Variants in XYLT1 observed in about 807,000 individuals in gnomAD.
The protein encoded by XYLT1 is beta-D-xylosyltransferase 1.
In XYLT1, 36 loss-of-function variants were observed where a neutral mutation model predicts 91.3. That is an observed-to-expected ratio of 0.39 (90% confidence interval 0.30 to 0.52). The LOEUF (loss-of-function observed/expected upper bound fraction) is 0.52, where lower values mean the gene tolerates loss of function less well. Among genes scored for constraint, XYLT1 ranks in the 20% least tolerant of loss-of-function variants. The pLI is 0.68. For synonymous variants in XYLT1, 588 were observed against 532.0 expected (o/e 1.11, Z -1.45); for missense variants, 1,242 against 1,284.5 (o/e 0.97, Z 0.51).
chr16:17,187,284 C>T (rs931869891), intron 5 of XYLT1, among the ~76,000 whole-genome samples: 3 of 150,746 alleles, frequency 2.0e-5, no homozygotes, highest in Non-Finnish European at 4.4e-5. Flanking sequence ...ATCCCAGCTA[C>T]TCGGGAGGCT....
chr16:17,317,773 C>A (rs1027140753), intron 2 of XYLT1, among the ~76,000 whole-genome samples: 1 of 151,836 alleles, frequency 6.6e-6, no homozygotes, highest in Non-Finnish European at 1.5e-5. Flanking sequence ...CCTATGATGT[C>A]CTACAGGATC....
chr16:17,383,654 G>A (rs1311867740), intron 1 of XYLT1, among the ~76,000 whole-genome samples: 1 of 151,884 alleles, frequency 6.6e-6, no homozygotes, highest in Non-Finnish European at 1.5e-5. Context: ...AGAGACTAGT[G>A]AGTATCCCTC....
chr16:17,453,953 A>C (rs903035631), intron 1 of XYLT1, among the ~76,000 whole-genome samples: 1 of 152,268 alleles, frequency 6.6e-6, no homozygotes, highest in Non-Finnish European at 1.5e-5. Flanking sequence ...GAAGGGACTA[A>C]GAATGGAAGA....
intron 5 of XYLT1, among the ~76,000 whole-genome samples, chr16:17,161,677 GCTCT>G (rs10676460): frequency 3.8e-4 from 57 of 148,998 alleles, no homozygotes; most frequent in South Asian, 8.5e-4. Context: ...TTTCTCGCGC[GCTCT>G]CTCTCTCTCT....
intron 10 of XYLT1, among the ~76,000 whole-genome samples, chr16:17,126,819 C>T (rs767574427): frequency 1.3e-5 from 2 of 152,174 alleles, no homozygotes; most frequent in Non-Finnish European, 2.9e-5. Flanking sequence ...CCCAAGTACA[C>T]TCATTCATTC....
chr16:17,449,320 A>G (rs1275244916), intron 1 of XYLT1, among the ~76,000 whole-genome samples: 1 of 152,230 alleles, frequency 6.6e-6, no homozygotes, highest in African/African-American at 2.4e-5. Flanking sequence ...GATCTCAGCA[A>G]TTCCACGGGC....
chr16:17,198,894 G>A (rs574098774), intron 4 of XYLT1, among the ~76,000 whole-genome samples: 62 of 152,150 alleles, frequency 4.1e-4, no homozygotes, highest in African/African-American at 1.1e-3. Flanking sequence ...ACAAGTATGC[G>A]CCACCACGCC....
intron 1 of XYLT1, among the ~76,000 whole-genome samples, chr16:17,410,568 C>T (rs541367174): frequency 6.6e-6 from 1 of 151,840 alleles, no homozygotes; most frequent in Non-Finnish European, 1.5e-5. Context: ...CCTCCCACGA[C>T]ATATGGGAAT....
intron 2 of XYLT1, among the ~76,000 whole-genome samples, chr16:17,344,985 G>A (rs754031744): frequency 3.9e-5 from 6 of 152,156 alleles, no homozygotes; most frequent in South Asian, 4.1e-4. Context: ...ATACATAGGC[G>A]TGAGCCACTG....
intron 2 of XYLT1, among the ~76,000 whole-genome samples, chr16:17,313,434 C>A (rs2034580661): frequency 6.6e-6 from 1 of 152,206 alleles, no homozygotes; most frequent in Non-Finnish European, 1.5e-5. Flanking sequence ...CAAGGCCCCC[C>A]TTTCCTGCTG....
Position 17,458,074 on chromosome 16 carries a change from G to GT in XYLT1, c.363+12359dup, listed in dbSNP as rs554146938. Among the ~76,000 whole-genome samples the GT allele has an allele frequency of 2.3e-4, 35 of 152,270 alleles. No individual in the cohort carries two copies. The South Asian group carries it at 7.2e-3, about 32-fold the overall frequency. On this transcript the variant is annotated intron_variant, in intron 1 of 11. Transcript: ENST00000261381. ...TAGCTTTCCATTACCAAAAACATTT[G>GT]TTTATTTTATGAACGTGAGTCTGGT... is the stretch of plus-strand genomic sequence containing the variant.
chr16:17,411,513 G>A (rs916191094), intron 1 of XYLT1, among the ~76,000 whole-genome samples: 2 of 152,140 alleles, frequency 1.3e-5, no homozygotes, highest in African/African-American at 4.8e-5. Context: ...TTCTCCCAAC[G>A]AATAGGCAGT....
At chr16:17,194,168 C>T (rs1041189131) in intron 5 of XYLT1, 4 of 152,204 alleles carry the variant, frequency 2.6e-5, no homozygotes, top group African/African-American at 9.6e-5. Flanking sequence ...GAGCACCTTC[C>T]AAGTGTCCGG....
chr16:17,170,406 T>C lies in XYLT1; in HGVS notation c.1290-11497A>G, dbSNP rs909380508. On this transcript the variant is annotated intron_variant, in intron 5 of 11. Coordinates refer to ENST00000261381, the MANE Select transcript of XYLT1 (RefSeq NM_022166.4). ...GCACAGAGGCCAGGAACATGACAGGTTCCATCAGCCTTATGCCTATTTCTC... is the reference window on the plus strand; with the variant it reads ...GCACAGAGGCCAGGAACATGACAGGCTCCATCAGCCTTATGCCTATTTCTC... Among the ~76,000 whole-genome samples the C allele has an allele frequency of 2.8e-4, 42 of 152,164 alleles. 1 individual carries two copies. The highest frequency in any genetic ancestry group is 7.4e-5 in the Non-Finnish European group (5 of 68,004).
intron 2 of XYLT1, among the ~76,000 whole-genome samples, chr16:17,328,547 T>TAAA (rs2034847709): frequency 7.9e-5 from 1 of 12,606 alleles, no homozygotes; most frequent in African/African-American, 2.5e-4. Flanking sequence ...AGACTCCTTC[T>TAAA]CAAAAAAAAA....
intron 5 of XYLT1, among the ~76,000 whole-genome samples, chr16:17,182,748 G>A (rs764389961): frequency 1.3e-5 from 2 of 152,054 alleles, no homozygotes; most frequent in African/African-American, 2.4e-5. Context: ...CTTGCATTAG[G>A]CTAATATTTA....
At chr16:17,259,612 A>C in intron 2 of XYLT1, 114 bp from the exon 3 acceptor site, 2 of 1,297,038 alleles carry the variant, frequency 1.5e-6, no homozygotes, top group Non-Finnish European at 2.1e-6. Context: ...ATAGTTTCAC[A>C]TCCTACTTTT....
At chr16:17,428,809 A>G (rs1438330804) in intron 1 of XYLT1, among the ~76,000 whole-genome samples, 2 of 152,188 alleles carry the variant, frequency 1.3e-5, no homozygotes, top group Admixed American at 6.5e-5. Context: ...CTGATTAACA[A>G]TCTTTCAGAG....
intron 9 of XYLT1, among the ~76,000 whole-genome samples, chr16:17,131,330 A>AT (rs2030464985): frequency 1.3e-5 from 2 of 152,216 alleles, no homozygotes; most frequent in Non-Finnish European, 2.9e-5. Context: ...ATGCCGCACA[A>AT]CCAATCATCA....
Sources: allele counts gnomAD v4.1 joint callset (sites outside exome capture counted in the v4.1 genomes callset), GRCh38; gene constraint gnomAD v4.1.1; transcripts MANE v1.5; gene names NCBI Gene and HGNC (gene_info 2026-07-23, HGNC 2026-07-21).